ANKMY1: variants seen among roughly 807,000 people sequenced by gnomAD.
ANKMY1 encodes ankyrin repeat and MYND domain containing 1.
ANKMY1 carries 98 observed loss-of-function variants against 102.0 expected under a neutral mutation model. The ratio of observed to expected loss-of-function variants is 0.96; its 90% CI spans 0.82 to 1.14. ANKMY1 has a LOEUF of 1.14. Ranked by LOEUF, ANKMY1 falls within the 50% of genes most tolerant of loss-of-function variation. The probability of loss-of-function intolerance (pLI) is 0.00; values close to 1 mark genes in which losing one functional copy is unlikely to be tolerated. For missense variants in ANKMY1, 1,330 were observed against 1,347.6 expected, an observed-to-expected ratio of 0.99 and a Z score of 0.20; for synonymous variants, 582 against 559.9, an observed-to-expected ratio of 1.04 and a Z score of -0.56.
chr2:240,527,578 G>C (rs2083940532), intron 5 of ANKMY1: 1 of 151,944 alleles, frequency 6.6e-6, no homozygotes, highest in South Asian at 2.1e-4. Flanking sequence ...TTAATGGGTA[G>C]GTGGGTGGGT....
chr2:240,553,174 C>A lies in ANKMY1; in HGVS notation c.337-117G>T, dbSNP rs374756427. 3.0e-5 allele frequency: 38 copies of A among 1,253,102 alleles called. No homozygotes were observed. The African/African-American group carries it at 4.5e-4, about 15-fold the overall frequency. 77.6% of individuals were successfully genotyped at this position (1,253,102 alleles called of 1,614,324 possible). On this transcript the variant is annotated intron_variant, in intron 3 of 17. Coordinates refer to ENST00000401804, the MANE Select transcript of ANKMY1 (RefSeq NM_001282771.3). Reference sequence around the variant, plus strand: ...GAATGGGGACCACCCAGGGCTGTGGCAGAACTCAGGGATGCCTGGCATGCG... The same window carrying A: ...GAATGGGGACCACCCAGGGCTGTGGAAGAACTCAGGGATGCCTGGCATGCG...
downstream of ANKMY1, among the ~76,000 whole-genome samples, chr2:240,478,487 G>A (rs975678760): frequency 3.3e-5 from 5 of 152,070 alleles, no homozygotes; most frequent in African/African-American, 4.8e-5. Flanking sequence ...AGCTCTTGGC[G>A]GCAGGGAGCC....
intron 4 of ANKMY1, among the ~76,000 whole-genome samples, chr2:240,538,399 G>A (rs537839762): frequency 5.3e-5 from 8 of 152,262 alleles, no homozygotes; most frequent in Admixed American, 2.6e-4. Flanking sequence ...CACTTGCCCC[G>A]GGCAGTGAGG....
Position 240,525,307 on chromosome 2 carries a change from C to T in ANKMY1, c.1335+378G>A, listed in dbSNP as rs118048065. 1.6e-4 allele frequency among the ~76,000 whole-genome samples: 25 copies of T among 152,320 alleles called. No homozygotes were observed. The East Asian group carries it at 4.1e-3, about 25-fold the overall frequency. ...GTGTGGTGAGCAGCAGGACTGAGAC[C>T]GAACCCCTGGTGTTTCAATAACATC... On this transcript the variant is annotated intron_variant, in intron 7 of 17. Coordinates refer to ENST00000401804, the MANE Select transcript of ANKMY1 (RefSeq NM_001282771.3).
At chr2:240,494,825 G>A (rs997988647) in intron 15 of ANKMY1, among the ~76,000 whole-genome samples, 4 of 152,050 alleles carry the variant, frequency 2.6e-5, no homozygotes, top group African/African-American at 4.8e-5. Flanking sequence ...TCCTACTTGT[G>A]GGTGGCAAGC....
At chr2:240,512,114 G>A (rs955277402) in intron 10 of ANKMY1, 113 bp from the exon 11 acceptor site, 21 of 1,299,566 alleles carry the variant, frequency 1.6e-5, no homozygotes, top group Non-Finnish European at 2.1e-5. Flanking sequence ...GTCTCACCCT[G>A]CGAAACCCTC....
At chr2:240,530,993 C>G (rs1170471614) in intron 4 of ANKMY1, among the ~76,000 whole-genome samples, 1 of 151,232 alleles carries the variant, frequency 6.6e-6, no homozygotes, top group Non-Finnish European at 1.5e-5. Flanking sequence ...TAAGCCACTA[C>G]TGGGATAAAA....
intron 4 of ANKMY1, among the ~76,000 whole-genome samples, chr2:240,551,469 A>G (rs1279794475): frequency 6.6e-6 from 1 of 152,164 alleles, no homozygotes; most frequent in Non-Finnish European, 1.5e-5. Flanking sequence ...GCCTTGCGAG[A>G]GGTTCCGGCA....
rs1480896978 is a variant in ANKMY1 at position 240,520,346 on chromosome 2, C to G, written c.2004+16G>C. The stretch of plus-strand genomic sequence containing the variant: ...CTGCTGCGCTCGTCCCGGCGCCCGC[C>G]CGCCGCGGCTCCTACCTGCGGCGGA... On this transcript the variant is annotated intron_variant, in intron 9 of 17. Transcript: ENST00000401804. This position sits in a 1 kb window ranked among gnomAD's most constrained non-coding sequence, Gnocchi z 4.8. The G allele has an allele frequency of 1.3e-6, 2 of 1,521,306 alleles. No homozygotes were observed. The highest frequency in any genetic ancestry group is 1.2e-5 in the South Asian group (1 of 81,902). The allele number at this position is 1,521,306 out of a possible 1,614,324, so 94.2% of individuals were successfully genotyped here.
chr2:240,499,890 T>C lies in ANKMY1; in HGVS notation c.2806+68A>G. 6.6e-7 allele frequency: 1 copy of C among 1,514,534 alleles called. No individual in the cohort carries two copies. The highest frequency in any genetic ancestry group is 8.9e-7 in the Non-Finnish European group (1 of 1,124,376). 93.8% of individuals were successfully genotyped at this position (1,514,534 alleles called of 1,614,324 possible). A position where few individuals can be genotyped will look rare whatever the true frequency, so the allele number is the denominator to read the frequency against. ...CCCAGGGGGTCCAGATCTCCAGGGATAACAGCCCCAGGCACGAGGCCGGAA... is the reference window on the plus strand; with the variant it reads ...CCCAGGGGGTCCAGATCTCCAGGGACAACAGCCCCAGGCACGAGGCCGGAA... On this transcript the variant is annotated intron_variant, in intron 15 of 17. Transcript: ENST00000401804. This position sits in a 1 kb window ranked among gnomAD's most constrained non-coding sequence, Gnocchi z 4.2.
chr2:240,554,148 C>T (rs2091990361), intron 3 of ANKMY1: 2 of 152,284 alleles, frequency 1.3e-5, no homozygotes, highest in South Asian at 2.1e-4. Flanking sequence ...AGGGACCCAG[C>T]CCCAGTGCCT....
chr2:240,556,509 A>G (rs1012602467), intron 2 of ANKMY1, among the ~76,000 whole-genome samples: 1 of 152,204 alleles, frequency 6.6e-6, no homozygotes, highest in African/African-American at 2.4e-5. Flanking sequence ...ATATTGCTAT[A>G]GATTACACCT....
chr2:240,471,056 C>G, the ANKMY1 span, among the ~76,000 whole-genome samples: 1 of 151,974 alleles, frequency 6.6e-6, no homozygotes, highest in Admixed American at 6.5e-5. Context: ...AAACGAAGTT[C>G]TCCCTATTGC....
At chr2:240,558,342 A>G (rs1352466113), upstream of ANKMY1, 1 of 152,254 alleles carries the variant, frequency 6.6e-6, no homozygotes, top group East Asian at 1.9e-4. Context: ...GCCCTGCCTG[A>G]TTCCAGCCCC....
At chr2:240,507,257 G>C (rs1553567483) in intron 13 of ANKMY1, among the ~76,000 whole-genome samples, 1 of 152,012 alleles carries the variant, frequency 6.6e-6, no homozygotes, top group Non-Finnish European at 1.5e-5. Context: ...TGACAGCCAG[G>C]CAGAGAAGTC....
At position 240,551,475 on chromosome 2, in the gene ANKMY1, C is replaced by T. The variant is rs778517604; in HGVS notation, c.480+1439G>A. 4.1e-4 allele frequency among the ~76,000 whole-genome samples: 62 copies of T among 152,158 alleles called. 4 individuals carry two copies. Among genetic ancestry groups the T allele is most frequent in the South Asian group, 2.1e-4 (1 of 4,824 alleles). On this transcript the variant is annotated intron_variant, in intron 4 of 17. Transcript: ENST00000401804. ...ACTGAAATGGCCTTGCGAGAGGTTC[C>T]GGCAAAGCCAGTTTAGGACAGCCTA...
At chr2:240,489,842 GTTC>G (rs1448196851) in intron 15 of ANKMY1, among the ~76,000 whole-genome samples, 1 of 152,186 alleles carries the variant, frequency 6.6e-6, no homozygotes, top group Non-Finnish European at 1.5e-5. Context: ...ATTGGTATTA[GTTC>G]TTCTTTATAT....
In ANKMY1 at chr2:240,529,694, C is replaced by T. The variant is rs533916891; in HGVS notation, c.481-185G>A. ...AGGGACCGAGGCGGACCAGCTCTCC[C>T]GAGGAACAGGAAGGAGGGCACTCCA... On this transcript the variant is annotated intron_variant, in intron 4 of 17. Transcript: ENST00000401804. This position sits in a 1 kb window ranked among gnomAD's most constrained non-coding sequence, Gnocchi z 4.2. 2.2e-4 allele frequency among the ~76,000 whole-genome samples: 33 copies of T among 152,306 alleles called. No individual in the cohort carries two copies. The highest frequency in any genetic ancestry group is 7.2e-4 in the African/African-American group (30 of 41,560).
chr2:240,528,668 C>G (rs1157300035), intron 5 of ANKMY1, among the ~76,000 whole-genome samples: 1 of 152,074 alleles, frequency 6.6e-6, no homozygotes, highest in Non-Finnish European at 1.5e-5. Flanking sequence ...TCCACGGGCT[C>G]AGGAGATTCT....
Sources: allele counts gnomAD v4.1 joint callset (sites outside exome capture counted in the v4.1 genomes callset), GRCh38; gene constraint gnomAD v4.1.1; non-coding constraint Gnocchi (gnomAD v3.1); transcripts MANE v1.5; gene names NCBI Gene and HGNC (gene_info 2026-07-23, HGNC 2026-07-21).